APBB2: variants seen among roughly 807,000 people sequenced by gnomAD.
APBB2 encodes Fe65-like 1.
A neutral mutation model predicts 82.5 loss-of-function variants in APBB2; 38 were observed. The observed-to-expected ratio is 0.46, with a 90% CI of 0.36 to 0.60. The LOEUF is 0.60. APBB2 is among the 20% of genes least tolerant of loss of function. APBB2 has a pLI of 0.00. For synonymous variants in APBB2, 341 were observed against 368.2 expected (o/e 0.93, Z 0.85); for missense variants, 772 against 972.3 (o/e 0.79, Z 2.74).
intron 6 of APBB2, among the ~76,000 whole-genome samples, chr4:40,987,208 G>A (rs1337729010): frequency 7.3e-6 from 1 of 137,408 alleles, no homozygotes; most frequent in Non-Finnish European, 1.6e-5. Context: ...TAAACAATAT[G>A]ATACTAAGCA....
chr4:40,931,785 A>G (rs551430571), intron 10 of APBB2, among the ~76,000 whole-genome samples: 2 of 149,182 alleles, frequency 1.3e-5, no homozygotes, highest in African/African-American at 4.9e-5. Context: ...TTATTCTCTT[A>G]TATTTTCTGT....
At chr4:41,198,940 C>T (rs1776015257) in intron 1 of APBB2, among the ~76,000 whole-genome samples, 2 of 152,106 alleles carry the variant, frequency 1.3e-5, no homozygotes, top group Admixed American at 1.3e-4. Flanking sequence ...TGTCTGTGTC[C>T]AAATTTCCCT....
intron 10 of APBB2, among the ~76,000 whole-genome samples, chr4:40,933,389 C>T (rs938540231): frequency 1.3e-5 from 2 of 152,178 alleles, no homozygotes; most frequent in Non-Finnish European, 2.9e-5. Context: ...CATGGCCCCA[C>T]AATCTCAACC....
Position 40,882,665 on chromosome 4 carries a change from C to G in APBB2, c.1529+7699G>C, listed in dbSNP as rs114390342. On this transcript the variant is annotated intron_variant, in intron 12 of 17. Coordinates refer to ENST00000508593, the MANE Select transcript of APBB2 (RefSeq NM_004307.2). Reference sequence around the variant, plus strand: ...TCACCAGAGTCTAACAGGTAGCAGACGAGAGAAGCAGGAGCGTAGTCTGCG... The same window carrying G: ...TCACCAGAGTCTAACAGGTAGCAGAGGAGAGAAGCAGGAGCGTAGTCTGCG... Among the ~76,000 whole-genome samples, 953 of 152,180 alleles carry G rather than the reference C, an allele frequency of 6.3e-3. 10 individuals carry two copies. Among genetic ancestry groups the G allele is most frequent in the African/African-American group, 0.022 (896 of 41,510 alleles).
At chr4:41,210,409 G>A (rs1462356882) in intron 1 of APBB2, among the ~76,000 whole-genome samples, 1 of 152,144 alleles carries the variant, frequency 6.6e-6, no homozygotes, top group East Asian at 1.9e-4. Flanking sequence ...AGCCCCAAAG[G>A]CAAGTCTTTG....
intron 2 of APBB2, among the ~76,000 whole-genome samples, chr4:41,107,386 A>C (rs1223471877): frequency 1.3e-5 from 2 of 152,228 alleles, no homozygotes; most frequent in South Asian, 2.1e-4. Context: ...ATATTCATTG[A>C]AAAAATAATG....
intron 5 of APBB2, 92 bp from the exon 6 acceptor site, chr4:41,014,490 A>G (rs1408833872): frequency 8.2e-7 from 1 of 1,214,688 alleles, no homozygotes; most frequent in Non-Finnish European, 1.2e-6. Flanking sequence ...AACTAAAAGA[A>G]GAAATGCTTC....
At chr4:40,854,790 CAAAAAAAAAA>C (rs80240731) in intron 12 of APBB2, among the ~76,000 whole-genome samples, 4 of 124,822 alleles carry the variant, frequency 3.2e-5, no homozygotes, top group Non-Finnish European at 6.5e-5. Flanking sequence ...AGTCCATCTC[CAAAAAAAAAA>C]AAAAAAAAAG....
At chr4:40,977,253 T>G (rs1797395398) in intron 6 of APBB2, among the ~76,000 whole-genome samples, 1 of 152,102 alleles carries the variant, frequency 6.6e-6, no homozygotes, top group African/African-American at 2.4e-5. Flanking sequence ...GTAGGTGTCT[T>G]TTATTTTATT....
At chr4:41,094,316 G>T (rs1429471061) in intron 3 of APBB2, among the ~76,000 whole-genome samples, 1 of 152,130 alleles carries the variant, frequency 6.6e-6, no homozygotes, top group Non-Finnish European at 1.5e-5. Context: ...TCCAAAAAGG[G>T]CTTGCAAGAA....
intron 12 of APBB2, among the ~76,000 whole-genome samples, chr4:40,860,480 G>A (rs1762505741): frequency 6.6e-6 from 1 of 152,186 alleles, no homozygotes; most frequent in South Asian, 2.1e-4. Context: ...TGCTGCCCAG[G>A]ACACCGTGGG....
chr4:40,898,420 C>G (rs919790681), intron 10 of APBB2, among the ~76,000 whole-genome samples: 1 of 151,114 alleles, frequency 6.6e-6, no homozygotes, highest in Non-Finnish European at 1.5e-5. Flanking sequence ...TGCGCCACCA[C>G]GCCTCGCTAA....
At chr4:41,027,874 T>A (rs1371108204) in intron 5 of APBB2, among the ~76,000 whole-genome samples, 1 of 152,236 alleles carries the variant, frequency 6.6e-6, no homozygotes, top group Non-Finnish European at 1.5e-5. Context: ...GATTCTGCCA[T>A]CCCCTCCACG....
intron 10 of APBB2, among the ~76,000 whole-genome samples, chr4:40,907,160 A>G (rs1776985801): frequency 6.6e-6 from 1 of 151,740 alleles, no homozygotes; most frequent in Admixed American, 6.6e-5. Context: ...GAGGAAACTG[A>G]GGTACAGGGT....
chr4:40,954,791 G>C (rs1791135707), intron 6 of APBB2, among the ~76,000 whole-genome samples: 1 of 152,190 alleles, frequency 6.6e-6, no homozygotes, highest in African/African-American at 2.4e-5. Context: ...AGCCTCCCAA[G>C]TAGCTGGGAT....
intron 1 of APBB2, among the ~76,000 whole-genome samples, chr4:41,159,384 C>A (rs563225352): frequency 3.9e-5 from 6 of 152,312 alleles, no homozygotes; most frequent in African/African-American, 1.4e-4. Context: ...CAAATAAGAT[C>A]ACAATATACA....
At chr4:40,859,511 A>T (rs34831874) in intron 12 of APBB2, among the ~76,000 whole-genome samples, 56,032 of 152,042 alleles carry the variant, frequency 0.37, 11,402 homozygotes, top group Non-Finnish European at 0.47. Context: ...GGCCTGCAGT[A>T]GTGTTTTAAC....
chr4:40,973,755 G>T (rs1422455851), intron 6 of APBB2, among the ~76,000 whole-genome samples: 2 of 152,188 alleles, frequency 1.3e-5, no homozygotes, highest in East Asian at 3.9e-4. Context: ...GTTTGTGGCA[G>T]CACAACTGCA....
chr4:40,907,409 T>G (rs1777299625), intron 10 of APBB2, among the ~76,000 whole-genome samples: 1 of 135,424 alleles, frequency 7.4e-6, no homozygotes, highest in African/African-American at 2.8e-5. Flanking sequence ...TTAGACAGAG[T>G]CTCACTCTGT....
Sources: allele counts gnomAD v4.1 joint callset (sites outside exome capture counted in the v4.1 genomes callset), GRCh38; gene constraint gnomAD v4.1.1; transcripts MANE v1.5; gene names NCBI Gene and HGNC (gene_info 2026-07-23, HGNC 2026-07-21).